The following TPST1 variants were observed in gnomAD, a reference collection of about 807,000 sequenced individuals.
TPST1 encodes the protein protein-tyrosine sulfotransferase 1.
In TPST1, 20 loss-of-function variants were observed where a neutral mutation model predicts 34.8. The ratio of observed to expected loss-of-function variants is 0.57; its 90% CI spans 0.40 to 0.84. TPST1 has a LOEUF of 0.84. TPST1 is among the 40% of genes least tolerant of loss of function. The pLI, the probability that TPST1 is intolerant of heterozygous loss-of-function variation, is 0.00. For synonymous variants in TPST1, 152 were observed against 159.4 expected (o/e 0.95, Z 0.35); for missense variants, 353 against 455.5 (o/e 0.78, Z 2.05).
chr7:66,306,412 T>C (rs1166996640), intron 3 of TPST1, among the ~76,000 whole-genome samples: 2 of 152,184 alleles, frequency 1.3e-5, no homozygotes, highest in African/African-American at 2.4e-5. Flanking sequence ...TACATAAAAG[T>C]GGAGAGCTCC....
chr7:66,255,348 C>T (rs1790364049), intron 2 of TPST1, among the ~76,000 whole-genome samples: 1 of 151,926 alleles, frequency 6.6e-6, no homozygotes, highest in African/African-American at 2.4e-5. Context: ...TTTATTCAGC[C>T]CCAAATGTCA....
At chr7:66,280,076 C>T (rs1790903012) in intron 2 of TPST1, among the ~76,000 whole-genome samples, 1 of 152,204 alleles carries the variant, frequency 6.6e-6, no homozygotes, top group Admixed American at 6.5e-5. Context: ...GCCCACAGTC[C>T]CCCTGGCATT....
At chr7:66,339,041 T>C (rs908434339) in intron 3 of TPST1, among the ~76,000 whole-genome samples, 1 of 145,372 alleles carries the variant, frequency 6.9e-6, no homozygotes, top group African/African-American at 2.6e-5. Context: ...CAAAGATCAA[T>C]GAAATGAAAA....
At chr7:66,210,412 A>AG (rs1650897956) in intron 1 of TPST1, among the ~76,000 whole-genome samples, 1 of 152,234 alleles carries the variant, frequency 6.6e-6, no homozygotes, top group Non-Finnish European at 1.5e-5. Context: ...CATCAGAAGT[A>AG]GGTGAGATTG....
At chr7:66,249,490 C>T (rs903871968) in intron 2 of TPST1, among the ~76,000 whole-genome samples, 1 of 152,142 alleles carries the variant, frequency 6.6e-6, no homozygotes, top group Non-Finnish European at 1.5e-5. Flanking sequence ...TGCTGAAAAT[C>T]ATGTTTTCAA....
At chr7:66,220,669 TG>T (rs1789523383) in intron 1 of TPST1, among the ~76,000 whole-genome samples, 1 of 5,536 alleles carries the variant, frequency 1.8e-4, no homozygotes, top group South Asian at 0.01. Flanking sequence ...GGTGAGTGTG[TG>T]GGGGTGGTGG....
intron 4 of TPST1, 126 bp from the exon 5 acceptor site, chr7:66,356,699 A>T: frequency 2.0e-6 from 2 of 987,078 alleles, no homozygotes; most frequent in Non-Finnish European, 3.2e-6. Context: ...ATACCACAGT[A>T]GTGCACTGAG....
chr7:66,272,105 A>G (rs1040923391), intron 2 of TPST1, among the ~76,000 whole-genome samples: 5 of 152,170 alleles, frequency 3.3e-5, no homozygotes, highest in African/African-American at 1.2e-4. Context: ...TTTCTTCCAT[A>G]TGTATATTAA....
At chr7:66,357,957 A>T (rs1277391780) in intron 5 of TPST1, among the ~76,000 whole-genome samples, 1 of 152,124 alleles carries the variant, frequency 6.6e-6, no homozygotes, top group Non-Finnish European at 1.5e-5. Context: ...GGTGGCAGGG[A>T]CCTGTAATCC....
intron 3 of TPST1, among the ~76,000 whole-genome samples, chr7:66,341,153 A>G (rs1792229168): frequency 6.6e-6 from 1 of 152,256 alleles, no homozygotes; most frequent in Non-Finnish European, 1.5e-5. Flanking sequence ...TATCCTGAGC[A>G]GAAAGAACAA....
At chr7:66,260,582 T>C (rs1394523987) in intron 2 of TPST1, among the ~76,000 whole-genome samples, 1 of 152,246 alleles carries the variant, frequency 6.6e-6, no homozygotes, top group Non-Finnish European at 1.5e-5. Context: ...TTTATTTGCA[T>C]GCCTGATAAT....
chr7:66,354,777 T>C lies in TPST1; in HGVS notation c.1096-2048T>C, dbSNP rs569620073. 2.1e-3 allele frequency among the ~76,000 whole-genome samples: 325 copies of C among 151,700 alleles called. 2 individuals are homozygous for C. Among genetic ancestry groups the C allele is most frequent in the African/African-American group, 7.7e-3 (318 of 41,392 alleles). The stretch of plus-strand genomic sequence containing the variant: ...GCACTTTGGGAGGCAGGCAGATTGC[T>C]TGAGTCCAGGCATTCAAAACCAGCC... On this transcript the variant is annotated intron_variant, in intron 4 of 5. Coordinates refer to ENST00000304842, the MANE Select transcript of TPST1 (RefSeq NM_003596.4).
In TPST1 at chr7:66,360,178, C is replaced by T. The variant is rs778902780; in HGVS notation, c.*313C>T. 5 of 314,522 alleles carry T rather than the reference C, an allele frequency of 1.6e-5. No homozygotes were observed. Among genetic ancestry groups the T allele is most frequent in the South Asian group, 2.8e-5 (1 of 35,942 alleles). 19.5% of individuals were successfully genotyped at this position (314,522 alleles called of 1,614,324 possible). On this transcript the variant is annotated 3_prime_UTR_variant, in exon 6 of 6. Coordinates refer to ENST00000304842, the MANE Select transcript of TPST1 (RefSeq NM_003596.4). The stretch of plus-strand genomic sequence containing the variant: ...CTTGTTCTCTTTTCTTACATTATGA[C>T]GTTTGTTTTCAAGGAGAGGGTTTAA...
chr7:66,213,607 T>C (rs1399203800), intron 1 of TPST1, among the ~76,000 whole-genome samples: 1 of 152,096 alleles, frequency 6.6e-6, no homozygotes, highest in Non-Finnish European at 1.5e-5. Context: ...TAAAAAAAAT[T>C]AGCCAGGCTT....
chr7:66,327,861 G>A (rs949429079), intron 3 of TPST1, among the ~76,000 whole-genome samples: 5 of 151,890 alleles, frequency 3.3e-5, no homozygotes, highest in African/African-American at 1.2e-4. Flanking sequence ...TCTGGAGATG[G>A]TCTAAAGATC....
At chr7:66,279,418 C>A (rs773516556) in intron 2 of TPST1, among the ~76,000 whole-genome samples, 4 of 152,040 alleles carry the variant, frequency 2.6e-5, no homozygotes, top group Non-Finnish European at 4.4e-5. Context: ...TATAGTAGAA[C>A]GATTTATATT....
rs774725469 is a variant in TPST1 at position 66,286,589 on chromosome 7, A to G, written c.924A>G (p.Pro308=). Residue 308 remains proline, a synonymous_variant, in exon 3 of 6, where the codon CCA becomes CCG. Transcript: ENST00000304842. ...ALSKWVGKIP[P]DVLQDMAVIA... ...CAAAATGGGTTGGGAAGATACCGCC[A>G]GATGTTTTACAAGACATGGCAGTGA... 2.5e-6 allele frequency: 4 copies of G among 1,610,522 alleles called. No individual in the cohort carries two copies. In the African/African-American group the frequency reaches 5.3e-5, roughly 22 times the overall value.
intron 2 of TPST1, among the ~76,000 whole-genome samples, chr7:66,252,574 C>T (rs1274227311): frequency 6.6e-6 from 1 of 151,990 alleles, no homozygotes; most frequent in Non-Finnish European, 1.5e-5. Context: ...ACCTTGTGAT[C>T]CGCCCACCTC....
At chr7:66,268,198 C>A (rs1433283531) in intron 2 of TPST1, among the ~76,000 whole-genome samples, 1 of 152,150 alleles carries the variant, frequency 6.6e-6, no homozygotes, top group Non-Finnish European at 1.5e-5. Flanking sequence ...AGTGATCCAC[C>A]CACCTCAGCC....
Sources: allele counts gnomAD v4.1 joint callset (sites outside exome capture counted in the v4.1 genomes callset), GRCh38; gene constraint gnomAD v4.1.1; transcripts MANE v1.5; gene names NCBI Gene and HGNC (gene_info 2026-07-23, HGNC 2026-07-21).